Variants in VPS13D observed in about 807,000 individuals in gnomAD.
The protein encoded by VPS13D is intermembrane lipid transfer protein VPS13D.
A neutral mutation model predicts 461.9 loss-of-function variants in VPS13D; 187 were observed. The observed-to-expected ratio is 0.40, with a 90% CI of 0.36 to 0.46. The LOEUF (loss-of-function observed/expected upper bound fraction) is 0.46. Among genes scored for constraint, VPS13D ranks in the 20% least tolerant of loss-of-function variants. The pLI, the probability that VPS13D is intolerant of heterozygous loss-of-function variation, is 0.60. For missense variants in VPS13D, 4,711 were observed against 5,364.9 expected, an observed-to-expected ratio of 0.88 and a Z score of 3.81; for synonymous variants, 1,951 against 1,986.3, an observed-to-expected ratio of 0.98 and a Z score of 0.47.
rs900375608 is a variant in VPS13D at position 12,328,753 on chromosome 1, C to T, written c.8197+899C>T. Among the ~76,000 whole-genome samples the T allele has an allele frequency of 3.9e-5, 6 of 152,146 alleles. No individual in the cohort carries two copies. In the South Asian group the frequency reaches 1.2e-3, roughly 32 times the overall value. On this transcript the variant is annotated intron_variant, in intron 36 of 69. Transcript: ENST00000620676. ...CAGGGTTTCTCCATGTTGGTCAGGC[C>T]TGTCTCGACCTCCTGACCTCAGGGA... is the stretch of plus-strand genomic sequence containing the variant.
rs1640651021 is a variant in VPS13D at position 12,249,120 on chromosome 1, G to A, written c.448-103G>A. The A allele has an allele frequency of 3.3e-6, 3 of 917,942 alleles. No homozygotes were observed. In the African/African-American group the frequency reaches 5.0e-5, roughly 15 times the overall value. The allele number at this position is 917,942 out of a possible 1,614,324, so 56.9% of individuals were successfully genotyped here. ...AAGGGCAGTTTGACCCCTAACTATAGTATTTCACCTACAGCAGTTATCTAA... is the reference window on the plus strand; with the variant it reads ...AAGGGCAGTTTGACCCCTAACTATAATATTTCACCTACAGCAGTTATCTAA... On this transcript the variant is annotated intron_variant, in intron 5 of 69. Coordinates refer to ENST00000620676, the MANE Select transcript of VPS13D (RefSeq NM_015378.4).
At chr1:12,307,127 G>C (rs574383581) in intron 26 of VPS13D, among the ~76,000 whole-genome samples, 1 of 152,138 alleles carries the variant, frequency 6.6e-6, no homozygotes, top group Non-Finnish European at 1.5e-5. Context: ...CAGTGCCCAC[G>C]TAATGCCAGG....
Position 12,277,899 on chromosome 1 carries a change from C to T in VPS13D, c.4311C>T (p.Thr1437=). The T allele has an allele frequency of 6.2e-7, 1 of 1,614,088 alleles. No individual in the cohort carries two copies. Among genetic ancestry groups the T allele is most frequent in the Non-Finnish European group, 8.5e-7 (1 of 1,180,020 alleles). Residue 1437 remains threonine, a synonymous_variant, in exon 19 of 70, where the codon ACC becomes ACT. Coordinates refer to ENST00000620676, the MANE Select transcript of VPS13D (RefSeq NM_015378.4). Reference sequence around the variant, plus strand: ...TTAAACTGTATTCTTTGAATTGCACCCAGTTGGCAGGTAGAGAAGCTGTTG... The same window carrying T: ...TTAAACTGTATTCTTTGAATTGCACTCAGTTGGCAGGTAGAGAAGCTGTTG... The part of the protein sequence containing the change: ...KDIKLYSLNC[T]QLAGREAVGS...
chr1:12,385,611 C>T (rs1396853891), intron 59 of VPS13D, among the ~76,000 whole-genome samples: 1 of 152,186 alleles, frequency 6.6e-6, no homozygotes, highest in Admixed American at 6.5e-5. Context: ...ATAAAGGAAG[C>T]TAAATTGTTT....
chr1:12,284,559 A>G (rs1205973916), intron 21 of VPS13D, among the ~76,000 whole-genome samples: 1 of 152,222 alleles, frequency 6.6e-6, no homozygotes, highest in African/African-American at 2.4e-5. Flanking sequence ...GTTAACCTGA[A>G]TAGCCCATTC....
intron 67 of VPS13D, among the ~76,000 whole-genome samples, chr1:12,493,445 T>G (rs1207357153): frequency 2.0e-5 from 3 of 146,618 alleles, no homozygotes; most frequent in African/African-American, 7.7e-5. Flanking sequence ...ATTGCACCAT[T>G]GCACTCCAGC....
chr1:12,399,956 C>G (rs1467511111), intron 60 of VPS13D, among the ~76,000 whole-genome samples: 1 of 151,988 alleles, frequency 6.6e-6, no homozygotes, highest in Non-Finnish European at 1.5e-5. Context: ...AAAACAAAAC[C>G]TATTCTCTTA....
chr1:12,353,595 T>C (rs1391597197), intron 46 of VPS13D, among the ~76,000 whole-genome samples: 1 of 150,296 alleles, frequency 6.7e-6, no homozygotes, highest in East Asian at 1.9e-4. Context: ...TGATTCCACT[T>C]ATATATATGC....
chr1:12,361,508 G>A (rs1643949151), intron 50 of VPS13D, among the ~76,000 whole-genome samples: 1 of 149,070 alleles, frequency 6.7e-6, no homozygotes, highest in Non-Finnish European at 1.5e-5. Context: ...CCATTCTCCT[G>A]CCTCAGCCTC....
intron 13 of VPS13D, 25 bp from the exon 14 acceptor site, chr1:12,266,856 C>T: frequency 6.6e-7 from 1 of 1,521,586 alleles, no homozygotes; most frequent in Non-Finnish European, 8.8e-7. Flanking sequence ...AGCATTGTAT[C>T]AACTATTTTA....
rs1267344371 is a variant in VPS13D, at chr1:12,355,548, TAC to T, written c.9680-349_9680-348del. 2.6e-5 allele frequency among the ~76,000 whole-genome samples: 4 copies of T among 152,312 alleles called. No individual in the cohort carries two copies. The East Asian group carries it at 7.7e-4, about 29-fold the overall frequency. On this transcript the variant is annotated intron_variant, in intron 47 of 69. Coordinates refer to ENST00000620676, the MANE Select transcript of VPS13D (RefSeq NM_015378.4). ...CATCTCACTGTACCCCCAAAATATG[TAC>T]AGTTATTATTATGTGTCGATTAAAA... is the stretch of plus-strand genomic sequence containing the variant.
In VPS13D at chr1:12,356,489, C is replaced by A; in HGVS notation, c.9963C>A (p.Leu3321=). The change falls in exon 49 of 70, where the codon CTC becomes CTA. Residue 3321 remains leucine (L), a synonymous_variant. Transcript: ENST00000620676. The part of the protein sequence containing the change: ...EHELARSLSP[L]LFCYADKEQP... ...AGCTGGCCCGTAGCCTGAGTCCTCT[C>A]TTATTCTGCTATGCTGACAAAGAGC... 3 of 1,614,062 alleles carry A rather than the reference C, an allele frequency of 1.9e-6. No homozygotes were observed. The highest frequency in any genetic ancestry group is 2.5e-6 in the Non-Finnish European group (3 of 1,179,998).
At chr1:12,388,955 C>T (rs1644386740) in intron 60 of VPS13D, among the ~76,000 whole-genome samples, 2 of 152,032 alleles carry the variant, frequency 1.3e-5, no homozygotes. Context: ...CTGGTGTAGT[C>T]GGGGTTCTCT....
chr1:12,307,226 T>C (rs1208908531), intron 26 of VPS13D, among the ~76,000 whole-genome samples: 1 of 152,178 alleles, frequency 6.6e-6, no homozygotes, highest in Admixed American at 6.5e-5. Flanking sequence ...GAAAAAGACA[T>C]TGAGCATTTA....
intron 27 of VPS13D, among the ~76,000 whole-genome samples, chr1:12,309,328 A>T (rs1569867912): frequency 6.7e-6 from 1 of 149,078 alleles, no homozygotes; most frequent in East Asian, 2.0e-4. Flanking sequence ...CTCCTTCCTC[A>T]GCCTCCCAAG....
chr1:12,442,066 A>C (rs1645138233), intron 65 of VPS13D, among the ~76,000 whole-genome samples: 2 of 152,178 alleles, frequency 1.3e-5, no homozygotes, highest in Admixed American at 1.3e-4. Flanking sequence ...AGATCTCTAC[A>C]CATATTTATC....
At chr1:12,508,511 C>A (rs1288201532) in intron 69 of VPS13D, among the ~76,000 whole-genome samples, 2 of 148,668 alleles carry the variant, frequency 1.3e-5, no homozygotes, top group Non-Finnish European at 3.0e-5. Flanking sequence ...CGAGACCATC[C>A]TGGCTAACAC....
intron 65 of VPS13D, among the ~76,000 whole-genome samples, chr1:12,437,205 C>T (rs1205485124): frequency 6.6e-6 from 1 of 152,148 alleles, no homozygotes; most frequent in East Asian, 1.9e-4. Flanking sequence ...GTGACTCAGT[C>T]TAGTGCAAAG....
rs1241505106 is a variant in VPS13D, at chr1:12,340,683, C to T, written c.8627-1097C>T. 2.0e-5 allele frequency among the ~76,000 whole-genome samples: 3 copies of T among 152,228 alleles called. No homozygotes were observed. In the East Asian group the frequency reaches 5.8e-4, roughly 29 times the overall value. On this transcript the variant is annotated intron_variant, in intron 40 of 69. Coordinates refer to ENST00000620676, the MANE Select transcript of VPS13D (RefSeq NM_015378.4). ...CAGCTTCCTGTAGATGTCATTTTCT[C>T]CCAGCTGCAGAGCATGTGGGTCATG...
Sources: allele counts gnomAD v4.1 joint callset (sites outside exome capture counted in the v4.1 genomes callset), GRCh38; gene constraint gnomAD v4.1.1; transcripts MANE v1.5; gene names NCBI Gene and HGNC (gene_info 2026-07-23, HGNC 2026-07-21).